APC: variants seen among roughly 807,000 people sequenced by gnomAD.
The protein encoded by APC is adenomatous polyposis coli protein.
APC carries 72 observed loss-of-function variants against 247.0 expected under a neutral mutation model. The ratio of observed to expected loss-of-function variants is 0.29; its 90% CI spans 0.24 to 0.35. The LOEUF (loss-of-function observed/expected upper bound fraction) is 0.35, where lower values mean the gene tolerates loss of function less well. Among genes scored for constraint, APC ranks in the 10% least tolerant of loss-of-function variants. The pLI is 1.00. For missense variants in APC, 3,400 were observed against 3,360.7 expected (o/e 1.01, Z -0.29); for synonymous variants, 1,254 against 1,162.5 (o/e 1.08, Z -1.60).
In APC at chr5:112,782,852, T is replaced by C. The variant is rs374813269; in HGVS notation, c.645+1949T>C. 3.9e-5 allele frequency among the ~76,000 whole-genome samples: 6 copies of C among 152,292 alleles called. No individual in the cohort carries two copies. The East Asian group carries it at 9.6e-4, about 24-fold the overall frequency. ...AGATAACTTACAAATTGGGAGAAGATATTTATTACCATATAACTGGCAAAG... is the reference window on the plus strand; with the variant it reads ...AGATAACTTACAAATTGGGAGAAGACATTTATTACCATATAACTGGCAAAG... On this transcript the variant is annotated intron_variant, in intron 6 of 15. Coordinates refer to ENST00000257430, the MANE Select transcript of APC (RefSeq NM_000038.6).
At chr5:112,793,709 G>A (rs1385182496) in intron 7 of APC, among the ~76,000 whole-genome samples, 3 of 152,166 alleles carry the variant, frequency 2.0e-5, no homozygotes, top group East Asian at 3.8e-4. Context: ...AGAAAATGGA[G>A]AAACTGGAGA....
rs188767311 is a variant in APC, at chr5:112,806,173, A to G, written c.834+4790A>G. Among the ~76,000 whole-genome samples the G allele has an allele frequency of 5.8e-3, 882 of 152,350 alleles. 5 individuals are homozygous for G. The highest frequency in any genetic ancestry group is 0.01 in the Middle Eastern group (3 of 294). On this transcript the variant is annotated intron_variant, in intron 8 of 15. Coordinates refer to ENST00000257430, the MANE Select transcript of APC (RefSeq NM_000038.6). ...GCACCAGTTTCTCAGAGAGGCTCGA[A>G]CAGATCAAATCTCACTACCATAGGC...
At chr5:112,775,801 G>T in intron 5 of APC, 64 bp downstream of exon 5, 1 of 889,882 alleles carries the variant, frequency 1.1e-6, no homozygotes, top group Non-Finnish European at 1.8e-6. Context: ...AAGTACCTAG[G>T]TAATCCATTA....
At chr5:112,729,667 T>A (rs990605303) in intron 1 of APC, among the ~76,000 whole-genome samples, 8 of 152,246 alleles carry the variant, frequency 5.3e-5, no homozygotes, top group Admixed American at 4.6e-4. Flanking sequence ...AGGGCTCATG[T>A]CATTACATTG....
rs1766190321 is a variant in APC at position 112,841,934 on chromosome 5, A to G, written c.6340A>G (p.Ser2114Gly). ...IQEGANSIVS[S>G]LHQAAAAACL... is the part of the protein sequence containing the mutation. ...GGAAGGTGCAAATTCCATAGTAAGT[A>G]GTTTACATCAAGCTGCTGCTGCTGC... Residue 2114 changes from serine to glycine, a missense_variant, in exon 16 of 16, where the codon AGT becomes GGT. Ser to Gly is a moderately conservative substitution (Grantham distance 56, BLOSUM62 0). Coordinates refer to ENST00000257430, the MANE Select transcript of APC (RefSeq NM_000038.6). The surrounding 1 kb of genome is among the most constrained non-coding windows in gnomAD (Gnocchi z 4.6). The G allele has an allele frequency of 6.2e-7, 1 of 1,613,970 alleles. No individual in the cohort carries two copies. The highest frequency in any genetic ancestry group is 1.3e-5 in the African/African-American group (1 of 75,036).
At chr5:112,824,283 C>G (rs1763426681) in intron 11 of APC, among the ~76,000 whole-genome samples, 1 of 152,092 alleles carries the variant, frequency 6.6e-6, no homozygotes, top group Admixed American at 6.6e-5. Context: ...CTTAGAGCAA[C>G]CAGTTTTTAA....
At chr5:112,818,219 A>C (rs1762702773) in intron 9 of APC, among the ~76,000 whole-genome samples, 1 of 152,218 alleles carries the variant, frequency 6.6e-6, no homozygotes, top group Non-Finnish European at 1.5e-5. Flanking sequence ...ACTTTTATAT[A>C]ATACCCTCTA....
chr5:112,724,905 A>G (rs1045951712), intron 1 of APC, among the ~76,000 whole-genome samples: 1 of 152,154 alleles, frequency 6.6e-6, no homozygotes, highest in Non-Finnish European at 1.5e-5. Flanking sequence ...TTACTTTGTC[A>G]CTGTTTGGGT....
intron 1 of APC, among the ~76,000 whole-genome samples, chr5:112,751,264 T>C (rs1754332130): frequency 6.6e-6 from 1 of 152,176 alleles, no homozygotes; most frequent in Admixed American, 6.5e-5. Flanking sequence ...ACTACATTTA[T>C]ATGGTTTTAA....
In APC at chr5:112,842,205, G is replaced by C. The variant is rs1554087570; in HGVS notation, c.6611G>C (p.Arg2204Pro). 6.2e-7 allele frequency: 1 copy of C among 1,613,326 alleles called. No homozygotes were observed. Among genetic ancestry groups the C allele is most frequent in the South Asian group, 1.1e-5 (1 of 91,034 alleles). The change falls in exon 16 of 16, where the codon CGA becomes CCA. Residue 2204 changes from arginine to proline, a missense_variant. Physicochemically the swap from Arg to Pro is moderately radical, Grantham distance 103 (BLOSUM62 -2). Around this residue, in one of 9 missense-constraint regions of APC, gnomAD observed 1,788 missense variants for 1,649.5 expected, o/e 1.08. Coordinates refer to ENST00000257430, the MANE Select transcript of APC (RefSeq NM_000038.6). Reference protein sequence around the residue: ...VYKSLITGKVRSNSEISGQMK... With the variant: ...VYKSLITGKVPSNSEISGQMK... ...AAAAGTTTGATTACTGGAAAAGTTC[G>C]ATCTAATTCAGAAATTTCAGGCCAA...
chr5:112,828,807 A>G (rs1763998946), intron 13 of APC, 49 bp from the exon 14 acceptor site: 1 of 1,341,624 alleles, frequency 7.5e-7, no homozygotes, highest in Non-Finnish European at 1.1e-6. Flanking sequence ...CAAAAAAGCA[A>G]CTAGTATGAT....
At position 112,834,539 on chromosome 5, in the gene APC, G is replaced by A. The variant is rs111777303; in HGVS notation, c.1744-412G>A. On this transcript the variant is annotated intron_variant, in intron 14 of 15. Transcript: ENST00000257430. ...ATTACAGGCATGAGCCACTGTGCCC[G>A]GCCACATGCCGGGCCTTAATCCACT... is the stretch of plus-strand genomic sequence containing the variant. Among the ~76,000 whole-genome samples, 1,454 of 152,146 alleles carry A rather than the reference G, an allele frequency of 9.6e-3. 9 individuals carry two copies. Among genetic ancestry groups the A allele is most frequent in the Non-Finnish European group, 0.015 (1,046 of 67,978 alleles).
intron 1 of APC, among the ~76,000 whole-genome samples, chr5:112,745,133 C>G (rs1403606070): frequency 6.8e-6 from 1 of 147,630 alleles, no homozygotes; most frequent in Non-Finnish European, 1.5e-5. Flanking sequence ...ATATGCTGGT[C>G]AGTTATAGAA....
intron 1 of APC, among the ~76,000 whole-genome samples, chr5:112,726,012 C>A (rs1284260713): frequency 2.6e-5 from 4 of 152,128 alleles, no homozygotes; most frequent in Non-Finnish European, 4.4e-5. Flanking sequence ...AGTGGCTCAT[C>A]TGTTCAGGCC....
chr5:112,809,597 C>CA (rs113558913), intron 8 of APC, among the ~76,000 whole-genome samples: 1,197 of 102,332 alleles, frequency 0.012, 11 homozygotes, highest in African/African-American at 0.029. Context: ...TGGGTTTCAC[C>CA]AAAAAAAAAA....
At chr5:112,766,174 A>G (rs1756290082) in intron 2 of APC, 152 bp from the exon 3 acceptor site, 1 of 572,210 alleles carries the variant, frequency 1.7e-6, no homozygotes, top group Non-Finnish European at 3.2e-6. Flanking sequence ...TGATTTATTT[A>G]TTAATAATGA....
At chr5:112,818,898 A>T (rs1461273740) in intron 9 of APC, 68 bp from the exon 10 acceptor site, 1 of 1,530,348 alleles carries the variant, frequency 6.5e-7, no homozygotes, top group African/African-American at 1.4e-5. Flanking sequence ...CCCATTCATC[A>T]CTTAATTGGT....
chr5:112,835,090 C>T lies in APC; in HGVS notation c.1883C>T (p.Thr628Ile), dbSNP rs760384475. 2 of 1,614,118 alleles carry T rather than the reference C, an allele frequency of 1.2e-6. No homozygotes were observed. Among genetic ancestry groups the T allele is most frequent in the Admixed American group, 1.7e-5 (1 of 60,014 alleles). Residue 628 changes from threonine to isoleucine, a missense_variant, in exon 15 of 16, where the codon ACT (threonine) becomes ATT (isoleucine). Transcript: ENST00000257430. The part of the protein sequence containing the change: ...GTLTYRSQTN[T>I]LAIIESGGGI... ...CTTACTTACCGGAGCCAGACAAACA[C>T]TTTAGCCATTATTGAAAGTGGAGGT...
chr5:112,767,145 C>T (rs1392300946), intron 3 of APC, 44 bp from the exon 4 acceptor site: 8 of 1,454,738 alleles, frequency 5.5e-6, no homozygotes, highest in Non-Finnish European at 7.7e-6. Flanking sequence ...TTTTAGACTG[C>T]TTAAAGCAAT....
Sources: allele counts gnomAD v4.1 joint callset (sites outside exome capture counted in the v4.1 genomes callset), GRCh38; gene constraint gnomAD v4.1.1; regional missense constraint gnomAD v4.1.1; non-coding constraint Gnocchi (gnomAD v3.1); transcripts MANE v1.5; gene names NCBI Gene and HGNC (gene_info 2026-07-23, HGNC 2026-07-21).